Variants in TG observed in about 807,000 individuals in gnomAD.
TG encodes thyroglobulin.
Under a neutral mutation model 324.7 loss-of-function variants are expected in TG, and 270 were observed. The ratio of observed to expected loss-of-function variants is 0.83; its 90% CI spans 0.75 to 0.92. The LOEUF (loss-of-function observed/expected upper bound fraction) is 0.92. TG is among the 40% of genes least tolerant of loss of function. The pLI is 0.00. For missense variants in TG, 3,591 were observed against 3,456.4 expected, an observed-to-expected ratio of 1.04 and a Z score of -0.98; for synonymous variants, 1,401 against 1,327.0, an observed-to-expected ratio of 1.06 and a Z score of -1.21.
rs1190483200 is a variant in TG, at chr8:132,882,539, T to C, written c.816T>C (p.Thr272=). 2 of 1,614,242 alleles carry C rather than the reference T, an allele frequency of 1.2e-6. No homozygotes were observed. Among genetic ancestry groups the C allele is most frequent in the East Asian group, 2.2e-5 (1 of 44,888 alleles). Residue 272 remains threonine (T), a synonymous_variant, in exon 7 of 48, where the codon ACT becomes ACC. Transcript: ENST00000220616. ...GCCTGGACCTTCCTTCCACCTTCAC[T>C]GAAACCACCCTGTACCGGATACTGC... ...FAGLDLPSTF[T]ETTLYRILQR...
intron 41 of TG, among the ~76,000 whole-genome samples, chr8:133,032,089 C>G (rs1836695470): frequency 6.6e-6 from 1 of 152,164 alleles, no homozygotes; most frequent in African/African-American, 2.4e-5. Flanking sequence ...CACAGCACAT[C>G]TTAGAGTCCG....
intron 43 of TG, among the ~76,000 whole-genome samples, chr8:133,112,619 C>G (rs978307992): frequency 6.6e-6 from 1 of 151,746 alleles, no homozygotes; most frequent in African/African-American, 2.4e-5. Flanking sequence ...AAAGGGGAAG[C>G]ATGAAGGAAG....
intron 27 of TG, 98 bp downstream of exon 27, chr8:132,949,041 A>T: frequency 9.4e-7 from 1 of 1,068,980 alleles, no homozygotes. Flanking sequence ...TGGCCTGAGG[A>T]GCTTATACTT....
intron 29 of TG, among the ~76,000 whole-genome samples, chr8:132,964,069 TTG>T (rs963416204): frequency 1.3e-5 from 2 of 151,900 alleles, no homozygotes; most frequent in African/African-American, 4.8e-5. Context: ...TGATCAGGCG[TTG>T]TGTTTGTGAT....
At chr8:133,009,276 A>G (rs1368995557) in intron 35 of TG, among the ~76,000 whole-genome samples, 3 of 152,192 alleles carry the variant, frequency 2.0e-5, no homozygotes, top group Non-Finnish European at 1.5e-5. Flanking sequence ...CAGTTTGGTC[A>G]TGTTGCAAAA....
At position 132,884,318 on chromosome 8, in the gene TG, A is replaced by T. The variant is rs561735953; in HGVS notation, c.1075+1319A>T. The stretch of plus-strand genomic sequence containing the variant: ...AACTCTTATTAGGCATTCGAGCCAG[A>T]CCCCATTTTCTCCTCCTGGTGAAAT... On this transcript the variant is annotated intron_variant, in intron 8 of 47. Coordinates refer to ENST00000220616, the MANE Select transcript of TG (RefSeq NM_003235.5). 9.2e-5 allele frequency among the ~76,000 whole-genome samples: 14 copies of T among 152,258 alleles called. No individual in the cohort carries two copies. In the South Asian group the frequency reaches 2.5e-3, roughly 27 times the overall value.
chr8:132,912,420 G>C (rs1158821089), intron 19 of TG, among the ~76,000 whole-genome samples: 1 of 152,134 alleles, frequency 6.6e-6, no homozygotes, highest in Non-Finnish European at 1.5e-5. Context: ...ACAGTAGCCT[G>C]TTACAGCCAA....
intron 35 of TG, among the ~76,000 whole-genome samples, chr8:133,007,573 T>C (rs1302232921): frequency 6.6e-6 from 1 of 152,122 alleles, no homozygotes; most frequent in Non-Finnish European, 1.5e-5. Context: ...TAAATTATAT[T>C]TGGGACTTGA....
At chr8:133,050,909 T>C (rs373780212) in intron 41 of TG, 35 of 1,611,104 alleles carry the variant, frequency 2.2e-5, no homozygotes, top group Non-Finnish European at 1.6e-5. Context: ...GAAGTCGCTA[T>C]CCAGTCCTGG....
At chr8:133,081,159 G>A (rs772262965) in intron 41 of TG, among the ~76,000 whole-genome samples, 6 of 152,360 alleles carry the variant, frequency 3.9e-5, no homozygotes, top group East Asian at 1.9e-4. Flanking sequence ...CGCATAGGAC[G>A]GGACCCACCA....
Position 133,050,318 on chromosome 8 carries a change from A to G in TG, c.7239+20295A>G, listed in dbSNP as rs553867898. On this transcript the variant is annotated intron_variant, in intron 41 of 47. Transcript: ENST00000220616. The stretch of plus-strand genomic sequence containing the variant: ...ACTATGTTGATTTATGCTCTGCAGT[A>G]TAGCCAAAGATAGTTTCATATATCT... 84 of 348,184 alleles carry G rather than the reference A, an allele frequency of 2.4e-4. 2 individuals carry two copies. The South Asian group carries it at 2.9e-3, about 12-fold the overall frequency. The allele number at this position is 348,184 out of a possible 1,614,324, so 21.6% of individuals were successfully genotyped here.
chr8:132,956,193 C>T (rs972149192), intron 27 of TG, among the ~76,000 whole-genome samples: 7 of 152,106 alleles, frequency 4.6e-5, no homozygotes, highest in African/African-American at 1.7e-4. Context: ...TTGGGGCTAA[C>T]CTTCTGATGC....
At chr8:133,126,143 CTGGCCATTCTTT>C (rs1161964657) in intron 45 of TG, among the ~76,000 whole-genome samples, 1 of 152,162 alleles carries the variant, frequency 6.6e-6, no homozygotes, top group East Asian at 1.9e-4. Flanking sequence ...TCTGCATCAC[CTGGCCATTCTTT>C]TGGTGCAGGA....
intron 41 of TG, among the ~76,000 whole-genome samples, chr8:133,077,869 G>T (rs371906405): frequency 6.6e-6 from 1 of 151,684 alleles, no homozygotes; most frequent in Non-Finnish European, 1.5e-5. Context: ...GGAGCCCCCC[G>T]CACCCCTCCA....
At chr8:133,014,588 G>A (rs1053293826) in intron 37 of TG, among the ~76,000 whole-genome samples, 2 of 152,228 alleles carry the variant, frequency 1.3e-5, no homozygotes, top group Non-Finnish European at 2.9e-5. Flanking sequence ...TAGCATGGGA[G>A]CAGCAATAAA....
At chr8:133,011,390 C>T (rs548025681) in intron 35 of TG, among the ~76,000 whole-genome samples, 3 of 143,916 alleles carry the variant, frequency 2.1e-5, no homozygotes, top group South Asian at 2.1e-4. Flanking sequence ...AAATGAGAGC[C>T]TTGGTCCTGC....
At position 132,933,658 on chromosome 8, in the gene TG, C is replaced by T; in HGVS notation, c.4914C>T (p.Ala1638=). The change falls in exon 24 of 48, where the codon GCC becomes GCT. Residue 1638 remains alanine (A), a synonymous_variant. Transcript: ENST00000220616. ...DFYAWTSDNV[A]CMTSDQKRDA... is the part of the protein sequence containing the mutation. ...ATGCTTGGACAAGTGACAATGTTGC[C>T]TGCATGACTTCTGACCAGGTGAGGT... is the stretch of plus-strand genomic sequence containing the variant. 2 of 1,614,152 alleles carry T rather than the reference C, an allele frequency of 1.2e-6. No individual in the cohort carries two copies. The highest frequency in any genetic ancestry group is 2.2e-5 in the East Asian group (1 of 44,874).
chr8:133,122,822 A>G (rs554926958), intron 45 of TG, among the ~76,000 whole-genome samples: 1 of 152,238 alleles, frequency 6.6e-6, no homozygotes, highest in African/African-American at 2.4e-5. Flanking sequence ...AAAAAAACTC[A>G]CCAGCTTTCT....
intron 14 of TG, 70 bp from the exon 15 acceptor site, chr8:132,900,167 C>A: frequency 7.4e-7 from 1 of 1,358,552 alleles, no homozygotes; most frequent in Non-Finnish European, 1.0e-6. Context: ...CTTTTGACAT[C>A]TGCCAGCAGC....
Sources: allele counts gnomAD v4.1 joint callset (sites outside exome capture counted in the v4.1 genomes callset), GRCh38; gene constraint gnomAD v4.1.1; transcripts MANE v1.5; gene names NCBI Gene and HGNC (gene_info 2026-07-23, HGNC 2026-07-21).